The following MSH3 variants were observed in gnomAD, a reference collection of about 807,000 sequenced individuals.
MSH3 encodes DNA mismatch repair protein Msh3.
A neutral mutation model predicts 123.3 loss-of-function variants in MSH3; 106 were observed. The ratio of observed to expected loss-of-function variants is 0.86; its 90% CI spans 0.73 to 1.01. The LOEUF (loss-of-function observed/expected upper bound fraction) is 1.01. Among genes scored for constraint, MSH3 ranks in the 50% least tolerant of loss-of-function variants. The pLI, the probability that MSH3 is intolerant of heterozygous loss-of-function variation, is 0.00. For missense variants in MSH3, 1,459 were observed against 1,347.6 expected, an observed-to-expected ratio of 1.08 and a Z score of -1.29; for synonymous variants, 515 against 481.4, an observed-to-expected ratio of 1.07 and a Z score of -0.91.
intron 19 of MSH3, among the ~76,000 whole-genome samples, chr5:80,798,047 A>G (rs992630777): frequency 3.9e-5 from 6 of 152,120 alleles, no homozygotes; most frequent in Admixed American, 3.9e-4. Flanking sequence ...TAAAAAATAT[A>G]AATTTCAACT....
At chr5:80,797,250 C>CT (rs1340527200) in intron 19 of MSH3, among the ~76,000 whole-genome samples, 4 of 152,244 alleles carry the variant, frequency 2.6e-5, no homozygotes, top group East Asian at 1.9e-4. Context: ...TATAATCATT[C>CT]TTTTTTTATC....
At chr5:80,778,659 A>G (rs904628084) in intron 16 of MSH3, 61 bp from the exon 17 acceptor site, 3 of 900,334 alleles carry the variant, frequency 3.3e-6, no homozygotes, top group Middle Eastern at 2.1e-4. Context: ...TTCTAAAGTG[A>G]TGGCATTTCG....
intron 20 of MSH3, among the ~76,000 whole-genome samples, chr5:80,821,498 T>G (rs1349050895): frequency 6.6e-6 from 1 of 152,224 alleles, no homozygotes. Context: ...ATCCCATATT[T>G]CAAAATTGAC....
intron 12 of MSH3, among the ~76,000 whole-genome samples, chr5:80,751,350 T>A (rs1743833374): frequency 6.6e-6 from 1 of 152,170 alleles, no homozygotes; most frequent in South Asian, 2.1e-4. Context: ...TCATGAGACC[T>A]CGGAATAAAC....
intron 19 of MSH3, among the ~76,000 whole-genome samples, chr5:80,800,881 AAAC>A (rs1744778831): frequency 6.6e-6 from 1 of 152,208 alleles, no homozygotes; most frequent in Non-Finnish European, 1.5e-5. Context: ...AGAAGGTTGA[AAAC>A]AAAATAAAAT....
chr5:80,770,454 A>G (rs577820752), intron 15 of MSH3, among the ~76,000 whole-genome samples: 16 of 152,282 alleles, frequency 1.1e-4, no homozygotes, highest in Non-Finnish European at 1.8e-4. Flanking sequence ...TATAATAACA[A>G]TAATAGTAAT....
chr5:80,684,833 T>C (rs759778388), intron 8 of MSH3, among the ~76,000 whole-genome samples: 6 of 152,184 alleles, frequency 3.9e-5, no homozygotes, highest in Non-Finnish European at 7.4e-5. Context: ...TGAGGTATGT[T>C]CCTTCTATAC....
chr5:80,862,770 A>G (rs1462806952), intron 21 of MSH3, among the ~76,000 whole-genome samples: 1 of 152,224 alleles, frequency 6.6e-6, no homozygotes, highest in African/African-American at 2.4e-5. Flanking sequence ...TAAAAAAAAA[A>G]AATTTGTTAA....
intron 8 of MSH3, among the ~76,000 whole-genome samples, chr5:80,698,147 C>T (rs1330685296): frequency 6.6e-6 from 1 of 152,138 alleles, no homozygotes; most frequent in East Asian, 1.9e-4. Flanking sequence ...AGCAATCCAC[C>T]CACCTTGGCC....
chr5:80,827,687 GTTATC>G (rs1745344437), intron 20 of MSH3, among the ~76,000 whole-genome samples: 1 of 152,122 alleles, frequency 6.6e-6, no homozygotes, highest in Non-Finnish European at 1.5e-5. Context: ...GCAAACACTA[GTTATC>G]TTATTTCATC....
Position 80,654,899 on chromosome 5 carries a change from G to GCGCCCC in MSH3, c.173_174insGCCCCC (p.Ala58_Ala59insProPro), listed in dbSNP as rs1561428874. 1.0e-5 allele frequency: 15 copies of GCGCCCC among 1,474,736 alleles called. No homozygotes were observed. In the African/African-American group the frequency reaches 3.0e-4, roughly 30 times the overall value. The allele number at this position is 1,474,736 out of a possible 1,614,324, so 91.4% of individuals were successfully genotyped here. ...TGGCGCTGCAGCGGCTGCAGCGGCC[G>GCGCCCC]CAGCGGCCGCAGCGCCCCCAGCGCC... is the stretch of plus-strand genomic sequence containing the variant. On this transcript the variant is annotated inframe_insertion, in exon 1 of 24. Coordinates refer to ENST00000265081, the MANE Select transcript of MSH3 (RefSeq NM_002439.5).
At chr5:80,738,071 G>A (rs914391488) in intron 10 of MSH3, among the ~76,000 whole-genome samples, 3 of 152,134 alleles carry the variant, frequency 2.0e-5, no homozygotes, top group African/African-American at 7.2e-5. Context: ...TAATACTTAC[G>A]TTAATACCAT....
At chr5:80,698,404 G>T (rs1326385742) in intron 8 of MSH3, among the ~76,000 whole-genome samples, 1 of 152,198 alleles carries the variant, frequency 6.6e-6, no homozygotes, top group Non-Finnish European at 1.5e-5. Flanking sequence ...ATAGTCTAGA[G>T]GGGAGGTAGT....
intron 14 of MSH3, 123 bp from the exon 15 acceptor site, chr5:80,768,712 A>G (rs1744166293): frequency 1.2e-6 from 1 of 808,158 alleles, no homozygotes; most frequent in African/African-American, 1.7e-5. Context: ...GTGCTTAGTG[A>G]CAATTGGAAC....
chr5:80,661,259 C>A (rs1749427895), intron 2 of MSH3, among the ~76,000 whole-genome samples: 1 of 151,942 alleles, frequency 6.6e-6, no homozygotes, highest in Non-Finnish European at 1.5e-5. Context: ...TCTCTTGTGT[C>A]TCCTTCTGAG....
chr5:80,840,278 C>T (rs1745597602), intron 20 of MSH3, among the ~76,000 whole-genome samples: 1 of 152,096 alleles, frequency 6.6e-6, no homozygotes, highest in South Asian at 2.1e-4. Context: ...TGTTGTTTGA[C>T]AAACCTGACA....
intron 8 of MSH3, among the ~76,000 whole-genome samples, chr5:80,718,149 T>G (rs1369676466): frequency 1.3e-5 from 2 of 152,246 alleles, no homozygotes; most frequent in African/African-American, 4.8e-5. Flanking sequence ...CTCACTGTCA[T>G]AGCCCTCAGA....
intron 12 of MSH3, among the ~76,000 whole-genome samples, chr5:80,756,538 T>C (rs1418723238): frequency 6.6e-6 from 1 of 152,150 alleles, no homozygotes; most frequent in African/African-American, 2.4e-5. Flanking sequence ...AGCTAATCTT[T>C]TACTCAATAG....
chr5:80,712,152 C>G (rs1397972337), intron 8 of MSH3, among the ~76,000 whole-genome samples: 1 of 152,140 alleles, frequency 6.6e-6, no homozygotes, highest in Non-Finnish European at 1.5e-5. Context: ...GCAGGATGCT[C>G]CAGTGCTCTG....
Sources: gnomAD v4.1 joint callset for allele counts (sites outside exome capture counted in the v4.1 genomes callset) on GRCh38, gnomAD v4.1.1 for gene constraint, MANE v1.5 for transcripts, NCBI Gene and HGNC (gene_info 2026-07-23, HGNC 2026-07-21) for gene names.